The following USP13 variants were observed in gnomAD, a reference collection of about 807,000 sequenced individuals.
The protein encoded by USP13 is ubiquitin specific peptidase 13, also known as ubiquitin carboxyl-terminal hydrolase 13.
In USP13, 68 loss-of-function variants were observed where a neutral mutation model predicts 107.8. The observed-to-expected ratio is 0.63, with a 90% CI of 0.52 to 0.77. USP13 has a LOEUF of 0.77. USP13 is among the 30% of genes least tolerant of loss of function. USP13 has a pLI of 0.00. For synonymous variants in USP13, 377 were observed against 389.5 expected (o/e 0.97, Z 0.38); for missense variants, 945 against 1,093.3 (o/e 0.86, Z 1.91).
chr3:179,733,856 A>G (rs1294954257), intron 10 of USP13, among the ~76,000 whole-genome samples: 3 of 152,214 alleles, frequency 2.0e-5, no homozygotes, highest in Non-Finnish European at 4.4e-5. Context: ...CCTTGCCCAA[A>G]GTTGCAAAGC....
chr3:179,701,172 T>C, intron 4 of USP13, 43 bp downstream of exon 4: 1 of 1,349,766 alleles, frequency 7.4e-7, no homozygotes, highest in Middle Eastern at 2.1e-4. Flanking sequence ...CGCATGGCTC[T>C]GTGTCAGGTG....
chr3:179,700,873 G>A, intron 3 of USP13, 135 bp from the exon 4 acceptor site: 1 of 1,067,004 alleles, frequency 9.4e-7, no homozygotes, highest in Non-Finnish European at 1.3e-6. Context: ...GGCCCTGTCA[G>A]AGGAGAAAGT....
chr3:179,656,014 A>T (rs186946667), intron 1 of USP13, among the ~76,000 whole-genome samples: 2 of 152,332 alleles, frequency 1.3e-5, no homozygotes, highest in Admixed American at 1.3e-4. Flanking sequence ...GTGCCACGGG[A>T]TGTCTTAGGG....
At chr3:179,697,572 G>A (rs2108471022) in intron 3 of USP13, among the ~76,000 whole-genome samples, 1 of 152,264 alleles carries the variant, frequency 6.6e-6, no homozygotes, top group Admixed American at 6.5e-5. Context: ...ACTTAGAGAA[G>A]GCTTTCTTGG....
At chr3:179,717,981 C>T (rs1051710489) in intron 6 of USP13, among the ~76,000 whole-genome samples, 1 of 151,982 alleles carries the variant, frequency 6.6e-6, no homozygotes, top group Non-Finnish European at 1.5e-5. Context: ...TGGGGAGCAG[C>T]GAGTCTCCAT....
intron 16 of USP13, 183 bp downstream of exon 16, chr3:179,757,261 G>T: frequency 3.2e-6 from 2 of 618,302 alleles, no homozygotes; most frequent in Non-Finnish European, 2.8e-6. Flanking sequence ...TGGGGCTCAG[G>T]AGAGTGACCA....
intron 1 of USP13, among the ~76,000 whole-genome samples, chr3:179,656,139 G>A (rs1238391532): frequency 3.9e-5 from 6 of 152,180 alleles, no homozygotes; most frequent in Admixed American, 6.5e-5. Flanking sequence ...TTCAAGGCCA[G>A]GGAAATTATA....
chr3:179,717,662 T>G (rs1713155223), intron 6 of USP13, among the ~76,000 whole-genome samples: 1 of 28,668 alleles, frequency 3.5e-5, no homozygotes, highest in African/African-American at 7.3e-5. Context: ...GGAGTGCCAT[T>G]TTCACCTTGA....
rs1713693827 is a variant in USP13 at position 179,729,025 on chromosome 3, G to C, written c.1089-1164G>C. On this transcript the variant is annotated intron_variant, in intron 8 of 20. Transcript: ENST00000263966. The stretch of plus-strand genomic sequence containing the variant: ...GAGAGCCAATTTTTAATGTTAAAGA[G>C]AAAAATTACCCAAACACTTGTTAAA... 2.0e-5 allele frequency among the ~76,000 whole-genome samples: 3 copies of C among 152,098 alleles called. No individual in the cohort carries two copies. In the South Asian group the frequency reaches 6.2e-4, roughly 32 times the overall value.
chr3:179,784,067 C>T lies in USP13; in HGVS notation c.2518C>T (p.His840Tyr). ...TTTCAGATGGGTGATTTACAATGAC[C>T]ACAAAGTTTGTGCCTCAGAAAGGCC... ...KEGRWVIYND[H>Y]KVCASERPPK... The change falls in exon 21 of 21, where the codon CAC (histidine) becomes TAC (tyrosine). Residue 840 changes from histidine (H) to tyrosine (Y), a missense_variant. Physicochemically the swap from His to Tyr is moderately conservative, Grantham distance 83. Coordinates refer to ENST00000263966, the MANE Select transcript of USP13 (RefSeq NM_003940.3). The T allele has an allele frequency of 6.2e-7, 1 of 1,612,272 alleles. No homozygotes were observed. Among genetic ancestry groups the T allele is most frequent in the South Asian group, 1.1e-5 (1 of 90,648 alleles).
In USP13 at chr3:179,745,053, C is replaced by T. The variant is rs750187502; in HGVS notation, c.1545C>T (p.Ile515=). 33 of 1,613,964 alleles carry T rather than the reference C, an allele frequency of 2.0e-5. No individual in the cohort carries two copies. The highest frequency in any genetic ancestry group is 1.8e-4 in the East Asian group (8 of 44,882). Residue 515 remains isoleucine, a synonymous_variant, in exon 13 of 21, where the codon ATC becomes ATT. Transcript: ENST00000263966. ...MEAATNKDEL[I]AYELTRREAE... The stretch of plus-strand genomic sequence containing the variant: ...TGCTCTTTCACCCAGATGAACTGAT[C>T]GCTTATGAACTAACGAGAAGGGAAG...
chr3:179,734,983 T>C (rs1713940124), intron 10 of USP13, among the ~76,000 whole-genome samples: 1 of 152,216 alleles, frequency 6.6e-6, no homozygotes, highest in Non-Finnish European at 1.5e-5. Flanking sequence ...AAACAGAAAG[T>C]CCTGTGTAAG....
At chr3:179,659,080 T>A (rs1251202767) in intron 1 of USP13, among the ~76,000 whole-genome samples, 2 of 152,222 alleles carry the variant, frequency 1.3e-5, no homozygotes, top group Admixed American at 1.3e-4. Flanking sequence ...TTTTTTCCCA[T>A]TTTTGAAAGC....
At position 179,653,466 on chromosome 3, in the gene USP13, G is replaced by A. The variant is rs371148605; in HGVS notation, c.168+73G>A. On this transcript the variant is annotated intron_variant, in intron 1 of 20. Coordinates refer to ENST00000263966, the MANE Select transcript of USP13 (RefSeq NM_003940.3). This position sits in a 1 kb window ranked among gnomAD's most constrained non-coding sequence, Gnocchi z 4.0. ...CACGTGAAGCCGGGGGAGAAGATGC[G>A]CAGTGGCGGCCGGGACCTCTTCTCT... 11 of 1,508,454 alleles carry A rather than the reference G, an allele frequency of 7.3e-6. No homozygotes were observed. The East Asian group carries it at 1.8e-4, about 25-fold the overall frequency. 93.4% of individuals were successfully genotyped at this position (1,508,454 alleles called of 1,614,324 possible).
chr3:179,773,057 G>A (rs1322987116), intron 19 of USP13, among the ~76,000 whole-genome samples: 1 of 152,192 alleles, frequency 6.6e-6, no homozygotes, highest in Non-Finnish European at 1.5e-5. Context: ...TACTTTGGAT[G>A]TTTGTCCCCT....
chr3:179,703,364 T>C (rs1253565485), intron 4 of USP13, among the ~76,000 whole-genome samples: 1 of 152,220 alleles, frequency 6.6e-6, no homozygotes, highest in Non-Finnish European at 1.5e-5. Context: ...TCTAACCAGG[T>C]GATTCTTCCT....
chr3:179,760,282 G>GTTTTT (rs1363561918), intron 16 of USP13, among the ~76,000 whole-genome samples: 7 of 123,464 alleles, frequency 5.7e-5, no homozygotes, highest in African/African-American at 1.9e-4. Flanking sequence ...GTCTCTTAAT[G>GTTTTT]TTTTTTTTTT....
intron 2 of USP13, among the ~76,000 whole-genome samples, chr3:179,689,538 A>C (rs1712026581): frequency 6.6e-6 from 1 of 151,768 alleles, no homozygotes; most frequent in South Asian, 2.1e-4. Flanking sequence ...GCCGCTTGTA[A>C]TCTCAGCTAC....
intron 2 of USP13, among the ~76,000 whole-genome samples, chr3:179,688,170 T>TATCC (rs943549413): frequency 2.4e-4 from 18 of 75,090 alleles, no homozygotes. Flanking sequence ...TCCATCCGTA[T>TATCC]ATCCATCCAT....
Sources: allele counts gnomAD v4.1 joint callset (sites outside exome capture counted in the v4.1 genomes callset), GRCh38; gene constraint gnomAD v4.1.1; non-coding constraint Gnocchi (gnomAD v3.1); transcripts MANE v1.5; gene names NCBI Gene and HGNC (gene_info 2026-07-23, HGNC 2026-07-21).